The following TRAIP variants were observed in gnomAD, a reference collection of about 807,000 sequenced individuals.
TRAIP encodes E3 ubiquitin-protein ligase TRAIP.
In TRAIP, 37 loss-of-function variants were observed where a neutral mutation model predicts 65.0. The observed-to-expected ratio is 0.57, with a 90% CI of 0.44 to 0.75. The LOEUF (loss-of-function observed/expected upper bound fraction) is 0.75. Ranked by LOEUF, TRAIP falls within the 30% of genes least tolerant of loss-of-function variation. The pLI, the probability that TRAIP is intolerant of heterozygous loss-of-function variation, is 0.00. For synonymous variants in TRAIP, 187 were observed against 219.1 expected (o/e 0.85, Z 1.29); for missense variants, 481 against 579.4 (o/e 0.83, Z 1.74).
At chr3:49,851,607 G>A (rs560742754) in intron 1 of TRAIP, among the ~76,000 whole-genome samples, 2 of 151,668 alleles carry the variant, frequency 1.3e-5, no homozygotes, top group South Asian at 4.2e-4. Context: ...GTGTTGCCCA[G>A]ACTGGTCTTG....
chr3:49,843,702 T>A, intron 5 of TRAIP, 99 bp downstream of exon 5: 1 of 1,515,316 alleles, frequency 6.6e-7, no homozygotes, highest in Non-Finnish European at 9.0e-7. Context: ...ACCAAGGTGA[T>A]GACTGGAGCA....
intron 8 of TRAIP, 68 bp downstream of exon 8, chr3:49,840,917 G>A: frequency 6.8e-7 from 1 of 1,467,636 alleles, no homozygotes; most frequent in Non-Finnish European, 9.5e-7. Flanking sequence ...GCCTTGCTCA[G>A]GAGACCAGAG....
At position 49,839,788 on chromosome 3, in the gene TRAIP, G is replaced by A. The variant is rs201373472; in HGVS notation, c.868C>T (p.Arg290Cys). Reference protein sequence around the residue: ...LPPVASETVDRLVLESPAPVE... With the variant: ...LPPVASETVDCLVLESPAPVE... Reference sequence around the variant, plus strand: ...TCAACAAACCTCTCTAAAACCAGGCGGTCGACAGTCTCACTGGCCACTGGT... The same window carrying A: ...TCAACAAACCTCTCTAAAACCAGGCAGTCGACAGTCTCACTGGCCACTGGT... The change falls in exon 10 of 15, where the codon CGC becomes TGC. Residue 290 changes from arginine (R) to cysteine (C), a missense_variant. By Grantham distance (180) the Arg-to-Cys change is radical. Transcript: ENST00000331456. 1.4e-5 allele frequency: 23 copies of A among 1,614,040 alleles called. No homozygotes were observed. The highest frequency in any genetic ancestry group is 2.2e-5 in the East Asian group (1 of 44,896).
At position 49,843,896 on chromosome 3, in the gene TRAIP, C is replaced by G; in HGVS notation, c.313G>C (p.Asp105His). 1 of 1,611,992 alleles carries G rather than the reference C, an allele frequency of 6.2e-7. No individual in the cohort carries two copies. The highest frequency in any genetic ancestry group is 8.5e-7 in the Non-Finnish European group (1 of 1,178,218). ...TCTTCCAGCGTATCCCGCAGAGTGTCGATGATGACCTGGCTGTCTCGTTTC... is the reference window on the plus strand; with the variant it reads ...TCTTCCAGCGTATCCCGCAGAGTGTGGATGATGACCTGGCTGTCTCGTTTC... Reference protein sequence around the residue: ...KEKRDSQVIIDTLRDTLEERN... With the variant: ...KEKRDSQVIIHTLRDTLEERN... Residue 105 changes from aspartate (D) to histidine (H), a missense_variant, in exon 5 of 15, where the codon GAC becomes CAC. Asp to His is a moderately conservative substitution (Grantham distance 81, BLOSUM62 -1). Coordinates refer to ENST00000331456, the MANE Select transcript of TRAIP (RefSeq NM_005879.3).
intron 1 of TRAIP, among the ~76,000 whole-genome samples, chr3:49,853,636 G>A (rs1309528576): frequency 6.6e-6 from 1 of 151,742 alleles, no homozygotes; most frequent in Non-Finnish European, 1.5e-5. Flanking sequence ...ACGAGGTCAG[G>A]AGTTTGAGAC....
chr3:49,832,988 C>T (rs982341322), intron 10 of TRAIP, among the ~76,000 whole-genome samples: 2 of 152,140 alleles, frequency 1.3e-5, no homozygotes, highest in Non-Finnish European at 2.9e-5. Context: ...GCAGCCTGGA[C>T]TATTTCTTCC....
chr3:49,853,968 G>A (rs1369524090), intron 1 of TRAIP, among the ~76,000 whole-genome samples: 1 of 151,738 alleles, frequency 6.6e-6, no homozygotes, highest in African/African-American at 2.4e-5. Context: ...TCCAGCCTGG[G>A]CGACACAGCA....
At chr3:49,841,655 G>A (rs765398610) in intron 7 of TRAIP, among the ~76,000 whole-genome samples, 171 bp downstream of exon 7, 5 of 152,262 alleles carry the variant, frequency 3.3e-5, no homozygotes, top group Non-Finnish European at 7.3e-5. Context: ...CAAGAAACTG[G>A]CAGCAGGCCA....
chr3:49,840,022 C>A (rs1409110265), intron 9 of TRAIP, among the ~76,000 whole-genome samples, 162 bp from the exon 10 acceptor site: 2 of 152,234 alleles, frequency 1.3e-5, no homozygotes, highest in East Asian at 1.9e-4. Flanking sequence ...CCAGGTAGAG[C>A]CCCTCCTCTG....
intron 10 of TRAIP, among the ~76,000 whole-genome samples, chr3:49,835,124 C>G (rs1280272717): frequency 6.6e-6 from 1 of 152,136 alleles, no homozygotes; most frequent in Non-Finnish European, 1.5e-5. Context: ...GGGAGGATCC[C>G]TTGAACCCAG....
At position 49,844,596 on chromosome 3, in the gene TRAIP, C is replaced by T. The variant is rs1429810460; in HGVS notation, c.241-16G>A. The T allele has an allele frequency of 6.2e-7, 1 of 1,613,938 alleles. No individual in the cohort carries two copies. Among genetic ancestry groups the T allele is most frequent in the Admixed American group, 1.7e-5 (1 of 59,988 alleles). The stretch of plus-strand genomic sequence containing the variant: ...CCAGTTCATTCTGAAAGGCAATACC[C>T]ACAATAAGCAGCAGGAAAGCATCAT... On this transcript the variant is annotated splice_polypyrimidine_tract_variant and intron_variant, in intron 3 of 14. Coordinates refer to ENST00000331456, the MANE Select transcript of TRAIP (RefSeq NM_005879.3).
At position 49,842,611 on chromosome 3, in the gene TRAIP, T is replaced by C; in HGVS notation, c.409-64A>G. On this transcript the variant is annotated intron_variant, in intron 5 of 14. Transcript: ENST00000331456. The stretch of plus-strand genomic sequence containing the variant: ...CCTCAGGAGCCATTGCTAAAGTCAC[T>C]AGGAAAACTCTGCTCCAGAACTCTC... The C allele has an allele frequency of 3.4e-6, 5 of 1,468,676 alleles. No individual in the cohort carries two copies. The South Asian group carries it at 3.4e-5, about 10-fold the overall frequency. The allele number at this position is 1,468,676 out of a possible 1,614,324, so 91.0% of individuals were successfully genotyped here.
rs528415499 is a variant in TRAIP at position 49,856,517 on chromosome 3, C to A, written c.-64G>T. 4.1e-4 allele frequency: 592 copies of A among 1,449,442 alleles called. 3 individuals are homozygous for A. The highest frequency in any genetic ancestry group is 4.1e-4 in the Non-Finnish European group (433 of 1,050,976). 89.8% of individuals were successfully genotyped at this position (1,449,442 alleles called of 1,614,324 possible). A position where few individuals can be genotyped will look rare whatever the true frequency, so the allele number is the denominator to read the frequency against. The stretch of plus-strand genomic sequence containing the variant: ...TGCTACAGGTCCGGCTTCGTAGACG[C>A]GCCCCCGCGCCTCCGCTTGCTTCAA... On this transcript the variant is annotated 5_prime_UTR_variant, in exon 1 of 15. Transcript: ENST00000331456.
intron 3 of TRAIP, among the ~76,000 whole-genome samples, chr3:49,846,537 G>T (rs2081884137): frequency 6.6e-6 from 1 of 152,324 alleles, no homozygotes; most frequent in Admixed American, 6.5e-5. Context: ...CCGCAGGAGA[G>T]AATTCAGGTT....
At chr3:49,845,305 T>C (rs1182119713) in intron 3 of TRAIP, among the ~76,000 whole-genome samples, 1 of 152,212 alleles carries the variant, frequency 6.6e-6, no homozygotes, top group Non-Finnish European at 1.5e-5. Flanking sequence ...AACATCCCCA[T>C]GAGCAAGAGA....
chr3:49,849,840 CTT>C (rs1185587392), intron 1 of TRAIP, among the ~76,000 whole-genome samples: 351 of 89,810 alleles, frequency 3.9e-3, no homozygotes, highest in African/African-American at 0.015. Context: ...CTTTTCTTTT[CTT>C]TTTTTTTTTT....
At chr3:49,848,885 C>T (rs895943111) in intron 1 of TRAIP, among the ~76,000 whole-genome samples, 5 of 149,980 alleles carry the variant, frequency 3.3e-5, no homozygotes, top group African/African-American at 9.8e-5. Context: ...CTTGCTCTGT[C>T]GCCCAGGCTG....
At chr3:49,854,081 C>A (rs143909829) in intron 1 of TRAIP, among the ~76,000 whole-genome samples, 1 of 152,126 alleles carries the variant, frequency 6.6e-6, no homozygotes, top group Admixed American at 6.5e-5. Context: ...AACCCCAGCA[C>A]TTTGGCAGGC....
intron 8 of TRAIP, 92 bp downstream of exon 8, chr3:49,840,893 C>T: frequency 1.7e-6 from 2 of 1,203,372 alleles, no homozygotes; most frequent in East Asian, 2.3e-5. Flanking sequence ...TCAGCTGTGC[C>T]ATCAGGTCCC....
Sources: allele counts gnomAD v4.1 joint callset (sites outside exome capture counted in the v4.1 genomes callset), GRCh38; gene constraint gnomAD v4.1.1; transcripts MANE v1.5; gene names NCBI Gene and HGNC (gene_info 2026-07-23, HGNC 2026-07-21).